EIF2AK2: variants seen among roughly 807,000 people sequenced by gnomAD.
EIF2AK2 encodes eukaryotic translation initiation factor 2 alpha kinase 2, also known as interferon-induced, double-stranded RNA-activated protein kinase.
A neutral mutation model predicts 70.5 loss-of-function variants in EIF2AK2; 40 were observed. The ratio of observed to expected loss-of-function variants is 0.57; its 90% CI spans 0.44 to 0.74. EIF2AK2 has a LOEUF of 0.74. EIF2AK2 is among the 30% of genes least tolerant of loss of function. EIF2AK2 has a pLI of 0.00. For missense variants in EIF2AK2, 555 were observed against 644.3 expected (o/e 0.86, Z 1.50); for synonymous variants, 198 against 220.9 (o/e 0.90, Z 0.92).
intron 8 of EIF2AK2, among the ~76,000 whole-genome samples, chr2:37,137,436 T>G (rs191961260): frequency 6.6e-6 from 1 of 152,208 alleles, no homozygotes; most frequent in African/African-American, 2.4e-5. Flanking sequence ...AAGTTCAACA[T>G]TGCCTGCTTA....
intron 15 of EIF2AK2, 36 bp from the exon 16 acceptor site, chr2:37,107,563 T>A (rs1443084161): frequency 6.3e-7 from 1 of 1,583,518 alleles, no homozygotes. Context: ...ATTAGGAAAT[T>A]ATTTACTTGG....
At chr2:37,126,548 A>G in intron 10 of EIF2AK2, 137 bp from the exon 11 acceptor site, 2 of 1,336,958 alleles carry the variant, frequency 1.5e-6, no homozygotes, top group East Asian at 2.6e-5. Context: ...TGAATAAGAA[A>G]GATCCACTTG....
chr2:37,136,202 T>C (rs1675121456), intron 9 of EIF2AK2, among the ~76,000 whole-genome samples: 1 of 152,236 alleles, frequency 6.6e-6, no homozygotes, highest in African/African-American at 2.4e-5. Flanking sequence ...CTGTCTTCTC[T>C]CTAAGCCCTT....
intron 2 of EIF2AK2, among the ~76,000 whole-genome samples, chr2:37,148,361 G>A (rs1675627405): frequency 6.6e-6 from 1 of 152,156 alleles, no homozygotes; most frequent in Admixed American, 6.6e-5. Flanking sequence ...TAAGTGAAGT[G>A]GAGTGGTAGC....
At chr2:37,121,178 C>G (rs56817654) in intron 12 of EIF2AK2, among the ~76,000 whole-genome samples, 4,553 of 134,358 alleles carry the variant, frequency 0.034, 271 homozygotes, top group African/African-American at 0.11. Context: ...CAGGAGAATA[C>G]TGTGAATCCG....
chr2:37,124,763 T>G (rs375765838), intron 11 of EIF2AK2, among the ~76,000 whole-genome samples: 1 of 151,880 alleles, frequency 6.6e-6, no homozygotes, highest in Admixed American at 6.6e-5. Flanking sequence ...GGTCTCACTC[T>G]GTCACCCAGG....
intron 4 of EIF2AK2, 86 bp downstream of exon 4, chr2:37,146,767 C>T (rs954720062): frequency 2.0e-6 from 3 of 1,520,994 alleles, no homozygotes; most frequent in South Asian, 2.5e-5. Context: ...AATGGCTTTA[C>T]TCTGTATGAA....
chr2:37,111,954 T>TAG (rs1350907171), intron 14 of EIF2AK2, among the ~76,000 whole-genome samples: 2,418 of 143,948 alleles, frequency 0.017, 93 homozygotes, highest in African/African-American at 0.06. Flanking sequence ...TATATATATA[T>TAG]ATAGATTTTG....
At chr2:37,137,677 AT>A (rs1436083081) in intron 8 of EIF2AK2, among the ~76,000 whole-genome samples, 2 of 152,220 alleles carry the variant, frequency 1.3e-5, no homozygotes, top group African/African-American at 4.8e-5. Flanking sequence ...AACGAACTAT[AT>A]TAGTGAATCT....
Position 37,122,503 on chromosome 2 carries a change from T to A in EIF2AK2, c.1067+3A>T. On this transcript the variant is annotated splice_donor_region_variant and intron_variant, in intron 12 of 16. Transcript: ENST00000233057. ...ATGGCTATGAGAATTTATTTTTAGT[T>A]ACCTTGAACTATTTTTGCTGTTCTC... is the stretch of plus-strand genomic sequence containing the variant. 1 of 1,610,454 alleles carries A rather than the reference T, an allele frequency of 6.2e-7. No individual in the cohort carries two copies. Among genetic ancestry groups the A allele is most frequent in the Non-Finnish European group, 8.5e-7 (1 of 1,179,220 alleles).
At chr2:37,110,561 A>G (rs1332866329) in intron 14 of EIF2AK2, among the ~76,000 whole-genome samples, 1 of 152,162 alleles carries the variant, frequency 6.6e-6, no homozygotes, top group Admixed American at 6.5e-5. Flanking sequence ...TGTGTTCTAT[A>G]TTTTTTATGC....
chr2:37,107,112 G>T lies in EIF2AK2; in HGVS notation c.*161C>A. The T allele has an allele frequency of 1.1e-6, 1 of 903,450 alleles. No individual in the cohort carries two copies. Among genetic ancestry groups the T allele is most frequent in the Non-Finnish European group, 1.5e-6 (1 of 653,818 alleles). 56.0% of individuals were successfully genotyped at this position (903,450 alleles called of 1,614,324 possible). On this transcript the variant is annotated 3_prime_UTR_variant, in exon 17 of 17. Transcript: ENST00000233057. ...TGTAAGAATGTTTTTGAAGCAAAAA[G>T]AAGAAAACCTTTCTGTTTCTGCAGA... is the stretch of plus-strand genomic sequence containing the variant.
rs573604278 is a variant in EIF2AK2 at position 37,136,398 on chromosome 2, C to T, written c.722+585G>A. On this transcript the variant is annotated intron_variant, in intron 9 of 16. Transcript: ENST00000233057. Reference sequence around the variant, plus strand: ...GTCTTTCTCACACATTCTCCTCATCCCTCCTGACTGCCACAGTAATCGTGG... The same window carrying T: ...GTCTTTCTCACACATTCTCCTCATCTCTCCTGACTGCCACAGTAATCGTGG... Among the ~76,000 whole-genome samples, 6 of 152,314 alleles carry T rather than the reference C, an allele frequency of 3.9e-5. No individual in the cohort carries two copies. The South Asian group carries it at 1.2e-3, about 32-fold the overall frequency.
intron 11 of EIF2AK2, among the ~76,000 whole-genome samples, chr2:37,123,374 C>A (rs756884788): frequency 5.5e-4 from 83 of 151,898 alleles, no homozygotes; most frequent in Non-Finnish European, 5.9e-5. Context: ...TCAAACAATT[C>A]TCCCACCTCA....
rs537954943 is a variant in EIF2AK2, at chr2:37,102,858, A to G, written c.*4415T>C. On this transcript the variant is annotated 3_prime_UTR_variant, in exon 17 of 17. Transcript: ENST00000233057. ...TGTATATACATTGAATATATTTAAC[A>G]TAAGTGTTAAGTATGCATGTGAATT... The G allele has an allele frequency of 3.5e-4, 54 of 152,326 alleles. No homozygotes were observed. Among genetic ancestry groups the G allele is most frequent in the African/African-American group, 1.1e-3 (47 of 41,566 alleles). 9.4% of individuals were successfully genotyped at this position (152,326 alleles called of 1,614,324 possible). A position where few individuals can be genotyped will look rare whatever the true frequency, so the allele number is the denominator to read the frequency against.
Position 37,100,046 on chromosome 2 carries a change from C to T in EIF2AK2, c.*7227G>A, listed in dbSNP as rs1434399876. On this transcript the variant is annotated 3_prime_UTR_variant, in exon 17 of 17. Transcript: ENST00000233057. ...TTGGGGGTGAGAAAAATGATAGTTG[C>T]ACAACTCTGAATATAGTAAACACTA... The T allele has an allele frequency of 6.6e-6, 1 of 151,984 alleles. No individual in the cohort carries two copies. The highest frequency in any genetic ancestry group is 1.9e-4 in the East Asian group (1 of 5,188). The allele number at this position is 151,984 out of a possible 1,614,324, so 9.4% of individuals were successfully genotyped here. A position where few individuals can be genotyped will look rare whatever the true frequency, so the allele number is the denominator to read the frequency against.
intron 11 of EIF2AK2, among the ~76,000 whole-genome samples, chr2:37,123,430 C>T (rs1485429355): frequency 6.6e-6 from 1 of 151,858 alleles, no homozygotes; most frequent in African/African-American, 2.4e-5. Context: ...CCACACCCAT[C>T]TAATTTTTTC....
chr2:37,119,522 A>G (rs1306720314), intron 13 of EIF2AK2, among the ~76,000 whole-genome samples: 2 of 152,126 alleles, frequency 1.3e-5, no homozygotes, highest in African/African-American at 4.8e-5. Flanking sequence ...CCATTTTCTC[A>G]TAACTATCAA....
intron 3 of EIF2AK2, 28 bp downstream of exon 3, chr2:37,147,660 T>C: frequency 1.4e-6 from 2 of 1,429,856 alleles, no homozygotes; most frequent in Non-Finnish European, 2.0e-6. Context: ...TTTTTATGGC[T>C]GCCATATCAT....
Sources: gnomAD v4.1 joint callset for allele counts (sites outside exome capture counted in the v4.1 genomes callset) on GRCh38, gnomAD v4.1.1 for gene constraint, MANE v1.5 for transcripts, NCBI Gene and HGNC (gene_info 2026-07-23, HGNC 2026-07-21) for gene names.